Variants in TRPV3 observed in about 807,000 individuals in gnomAD.
TRPV3 encodes transient receptor potential cation channel subfamily V member 3, also known as VRL-3.
A neutral mutation model predicts 87.1 loss-of-function variants in TRPV3; 88 were observed. The ratio of observed to expected loss-of-function variants is 1.01; its 90% CI spans 0.85 to 1.21. The LOEUF (loss-of-function observed/expected upper bound fraction) is 1.21, where lower values mean the gene tolerates loss of function less well. TRPV3 is among the 50% of genes most tolerant of loss of function. The probability of loss-of-function intolerance (pLI) is 0.00; values close to 1 mark genes in which losing one functional copy is unlikely to be tolerated. For missense variants in TRPV3, 1,054 were observed against 1,030.1 expected (o/e 1.02, Z -0.32); for synonymous variants, 438 against 423.3 (o/e 1.03, Z -0.43).
At chr17:3,546,738 G>A (rs190825263) in intron 2 of TRPV3, 155 of 453,430 alleles carry the variant, frequency 3.4e-4, no homozygotes, top group African/African-American at 2.9e-3. Flanking sequence ...AGCCCTCTGG[G>A]AGGTCAAAGT....
chr17:3,535,179 C>CCTCCCTTTCTCCCT (rs1555545105), intron 7 of TRPV3, among the ~76,000 whole-genome samples: 3,092 of 121,114 alleles, frequency 0.026, 180 homozygotes, highest in African/African-American at 0.099. Flanking sequence ...CCTCCTTCCT[C>CCTCCCTTTCTCCCT]CTCCCTTCCT....
At chr17:3,546,603 C>A (rs746669631) in intron 2 of TRPV3, 6 of 455,140 alleles carry the variant, frequency 1.3e-5, no homozygotes, top group South Asian at 7.8e-5. Context: ...GAAGGCCCCC[C>A]TTGGAGACAT....
rs750184223 is a variant in TRPV3, at chr17:3,514,644, TC to T, written c.2226del (p.Trp742Ter). On this transcript the variant is annotated frameshift_variant, in exon 17 of 18. Transcript: ENST00000576742. LOFTEE classifies it high-confidence loss of function. ...LRINEVKWTE[W>X]KTHVSFLNED... The stretch of plus-strand genomic sequence containing the variant: ...TCGTTAAGGAAGGAGACGTGCGTCT[TC>T]CATTCAGTCCACTTCACCTCATTGA... 1 of 1,613,990 alleles carries T rather than the reference TC, an allele frequency of 6.2e-7. No homozygotes were observed. Among genetic ancestry groups the T allele is most frequent in the Non-Finnish European group, 8.5e-7 (1 of 1,179,880 alleles).
At chr17:3,524,633 G>A (rs1404670176) in intron 12 of TRPV3, among the ~76,000 whole-genome samples, 7 of 151,940 alleles carry the variant, frequency 4.6e-5, no homozygotes, top group African/African-American at 1.2e-4. Context: ...CCACAGGGCC[G>A]CAGAAGATTC....
Position 3,533,852 on chromosome 17 carries a change from T to C in TRPV3, c.785-915A>G, listed in dbSNP as rs7211766. Among the ~76,000 whole-genome samples the C allele has an allele frequency of 8.6e-3, 1,307 of 152,316 alleles. 24 individuals carry two copies. Among genetic ancestry groups the C allele is most frequent in the African/African-American group, 0.03 (1,230 of 41,576 alleles). ...TTCATATCATAGTATATAAAATTCT[T>C]ATTTATAGTGCTTATTACCGATGGT... On this transcript the variant is annotated intron_variant, in intron 7 of 17. Transcript: ENST00000576742.
intron 7 of TRPV3, among the ~76,000 whole-genome samples, chr17:3,533,377 A>C (rs1483957152): frequency 6.6e-6 from 1 of 150,672 alleles, no homozygotes; most frequent in African/African-American, 2.5e-5. Flanking sequence ...TTTCTCCCTC[A>C]CCTCCTTCAA....
At position 3,556,210 on chromosome 17, in the gene TRPV3, T is replaced by G. The variant is rs1317928252; in HGVS notation, c.-2-1358A>C. 6.6e-6 allele frequency among the ~76,000 whole-genome samples: 1 copy of G among 151,452 alleles called. No homozygotes were observed. The highest frequency in any genetic ancestry group is 1.5e-5 in the Non-Finnish European group (1 of 67,924). The stretch of plus-strand genomic sequence containing the variant: ...TGAAAAAAAAAAAAAATAAAGTTTT[T>G]ATTAAACATAAAAAAGGAGCTATGG... On this transcript the variant is annotated intron_variant, in intron 1 of 17. Transcript: ENST00000576742. The surrounding 1 kb of genome is among the most constrained non-coding windows in gnomAD (Gnocchi z 4.2).
chr17:3,539,181 T>C (rs1296056945), intron 6 of TRPV3, among the ~76,000 whole-genome samples: 1 of 152,006 alleles, frequency 6.6e-6, no homozygotes, highest in Non-Finnish European at 1.5e-5. Flanking sequence ...ACTTGTAGAA[T>C]ACAGACAGTA....
At position 3,525,300 on chromosome 17, in the gene TRPV3, G is replaced by A. The variant is rs569829682; in HGVS notation, c.1578-937C>T. ...CTCCCAAAGTGCTGGGATTACAGGC[G>A]TGAGCCAACGCGCCCAGCATTAAAT... On this transcript the variant is annotated intron_variant, in intron 12 of 17. Coordinates refer to ENST00000576742, the MANE Select transcript of TRPV3 (RefSeq NM_145068.4). 2.8e-3 allele frequency among the ~76,000 whole-genome samples: 425 copies of A among 152,288 alleles called. 3 individuals carry two copies. Among genetic ancestry groups the A allele is most frequent in the Middle Eastern group, 0.01 (3 of 294 alleles).
chr17:3,535,353 T>A, intron 7 of TRPV3, among the ~76,000 whole-genome samples: 1 of 108,750 alleles, frequency 9.2e-6, no homozygotes. Flanking sequence ...CCTCCCTTCC[T>A]TCCTCCCTCA....
chr17:3,521,082 A>G (rs2074241038), intron 13 of TRPV3, 43 bp from the exon 14 acceptor site: 2 of 1,331,696 alleles, frequency 1.5e-6, no homozygotes, highest in Non-Finnish European at 1.1e-6. Flanking sequence ...GTGCAAGCAC[A>G]TATTCACGGC....
intron 8 of TRPV3, among the ~76,000 whole-genome samples, chr17:3,531,814 G>A (rs531464757): frequency 1.3e-5 from 2 of 152,306 alleles, no homozygotes; most frequent in Non-Finnish European, 2.9e-5. Context: ...CTCCCCCACG[G>A]GAGAATCAAA....
At chr17:3,529,066 C>T (rs2074326074) in intron 9 of TRPV3, 71 bp from the exon 10 acceptor site, 22 of 1,565,246 alleles carry the variant, frequency 1.4e-5, no homozygotes, top group South Asian at 3.4e-5. Flanking sequence ...TAAAGGCCTG[C>T]GGGAGCTCTG....
At chr17:3,527,662 A>G in intron 11 of TRPV3, 1 of 311,086 alleles carries the variant, frequency 3.2e-6, no homozygotes, top group Non-Finnish European at 6.1e-6. Flanking sequence ...TGGATAAAGG[A>G]TAGAAGGATG....
rs1301469751 is a variant in TRPV3 at position 3,528,712 on chromosome 17, A to G, written c.1401+125T>C. 8.2e-5 allele frequency: 96 copies of G among 1,166,460 alleles called. 1 individual carries two copies. In the East Asian group the frequency reaches 2.3e-3, roughly 27 times the overall value. The allele number at this position is 1,166,460 out of a possible 1,614,324, so 72.3% of individuals were successfully genotyped here. On this transcript the variant is annotated intron_variant, in intron 10 of 17. Coordinates refer to ENST00000576742, the MANE Select transcript of TRPV3 (RefSeq NM_145068.4). This position sits in a 1 kb window ranked among gnomAD's most constrained non-coding sequence, Gnocchi z 4.2. ...CAGTTCCCTGGGAAGCGTGAAGGAC[A>G]ACTGGGGGACCCCGCCCAATCTCCT...
chr17:3,530,343 T>G lies in TRPV3; in HGVS notation c.1066-140A>C, dbSNP rs907240519. On this transcript the variant is annotated intron_variant, in intron 8 of 17. Transcript: ENST00000576742. The surrounding 1 kb of genome is among the most constrained non-coding windows in gnomAD (Gnocchi z 4.0). The stretch of plus-strand genomic sequence containing the variant: ...AGACCTGCCTCTGCGCCTGGCGCCA[T>G]GGCCCCTGGGCCCCGTCTTTATCTG... 2 of 773,760 alleles carry G rather than the reference T, an allele frequency of 2.6e-6. No individual in the cohort carries two copies. The highest frequency in any genetic ancestry group is 4.0e-6 in the Non-Finnish European group (2 of 499,954). 47.9% of individuals were successfully genotyped at this position (773,760 alleles called of 1,614,324 possible).
At chr17:3,554,886 G>T (rs760270211) in intron 1 of TRPV3, 34 bp from the exon 2 acceptor site, 4 of 1,447,580 alleles carry the variant, frequency 2.8e-6, no homozygotes, top group East Asian at 4.7e-5. Context: ...TGCTCAGGCC[G>T]GGGGGACAGG....
Position 3,532,655 on chromosome 17 carries a change from A to T in TRPV3, c.1065+2T>A. On this transcript the variant is annotated splice_donor_variant, in intron 8 of 17. Transcript: ENST00000576742. LOFTEE classifies it high-confidence loss of function. ...CTGCCTCCCCACGCCCCATGGCCCC[A>T]CCTCCGCCTTGCCCATCTTGGCGGC... 6.2e-7 allele frequency: 1 copy of T among 1,613,542 alleles called. No individual in the cohort carries two copies. Among genetic ancestry groups the T allele is most frequent in the Non-Finnish European group, 8.5e-7 (1 of 1,179,824 alleles).
At chr17:3,514,569 C>G (rs1264253677) in intron 17 of TRPV3, 24 bp downstream of exon 17, 2 of 1,573,060 alleles carry the variant, frequency 1.3e-6, no homozygotes, top group South Asian at 2.2e-5. Flanking sequence ...GAGCGGACAC[C>G]ATGTCACCTC....
Sources: gnomAD v4.1 joint callset for allele counts (sites outside exome capture counted in the v4.1 genomes callset) on GRCh38, gnomAD v4.1.1 for gene constraint, Gnocchi (gnomAD v3.1) non-coding constraint, MANE v1.5 for transcripts, NCBI Gene and HGNC (gene_info 2026-07-23, HGNC 2026-07-21) for gene names.